CCSAP: variants seen among roughly 807,000 people sequenced by gnomAD.
CCSAP encodes the protein centriole, cilia and spindle associated protein.
Under a neutral mutation model 25.9 loss-of-function variants are expected in CCSAP, and 17 were observed. That is an observed-to-expected ratio of 0.66 (90% confidence interval 0.45 to 0.99). The LOEUF is 0.99. Ranked by LOEUF, CCSAP falls within the 50% of genes least tolerant of loss-of-function variation. CCSAP has a pLI of 0.00. For synonymous variants in CCSAP, 169 were observed against 157.1 expected (o/e 1.08, Z -0.57); for missense variants, 339 against 367.8 (o/e 0.92, Z 0.64).
In CCSAP at chr1:229,322,677, C is replaced by T. The variant is rs1219512456; in HGVS notation, c.*2558G>A. 4.6e-5 allele frequency: 7 copies of T among 152,144 alleles called. No individual in the cohort carries two copies. The allele number at this position is 152,144 out of a possible 1,614,324, so 9.4% of individuals were successfully genotyped here. On this transcript the variant is annotated 3_prime_UTR_variant, in exon 4 of 4. Transcript: ENST00000284617. ...CTCCTAACTAAGGGCAGTTAAAAGACAAAGAATCGATTCCTGTTCACTTCT... is the reference window on the plus strand; with the variant it reads ...CTCCTAACTAAGGGCAGTTAAAAGATAAAGAATCGATTCCTGTTCACTTCT...
In CCSAP at chr1:229,325,169, T is replaced by A. The variant is rs1571848834; in HGVS notation, c.*66A>T. ...ACCTGTGTCCGTTTCTTTTGATGGT[T>A]TTTGTTTTGTTTTTCCTTTCAGTCA... On this transcript the variant is annotated 3_prime_UTR_variant, in exon 4 of 4. Transcript: ENST00000284617. 3 of 1,454,116 alleles carry A rather than the reference T, an allele frequency of 2.1e-6. No homozygotes were observed. In the East Asian group the frequency reaches 7.0e-5, roughly 34 times the overall value. 90.1% of individuals were successfully genotyped at this position (1,454,116 alleles called of 1,614,324 possible).
intron 2 of CCSAP, among the ~76,000 whole-genome samples, chr1:229,334,231 CA>C (rs1234868103): frequency 6.6e-6 from 1 of 152,170 alleles, no homozygotes; most frequent in African/African-American, 2.4e-5. Flanking sequence ...CCACCACACC[CA>C]CCTAATTTTT....
intron 2 of CCSAP, among the ~76,000 whole-genome samples, chr1:229,328,091 T>C (rs1007946630): frequency 2.0e-5 from 3 of 152,146 alleles, no homozygotes; most frequent in Non-Finnish European, 4.4e-5. Flanking sequence ...GATTTTCCTG[T>C]TTATTATTTT....
chr1:229,339,870 G>A (rs1255027251), intron 2 of CCSAP, among the ~76,000 whole-genome samples: 1 of 152,168 alleles, frequency 6.6e-6, no homozygotes, highest in African/African-American at 2.4e-5. Context: ...GGACTGTATT[G>A]TGCAGGTGTG....
Position 229,326,853 on chromosome 1 carries a change from G to A in CCSAP, c.521C>T (p.Ser174Leu), listed in dbSNP as rs1386458569. Residue 174 changes from serine to leucine, a missense_variant, in exon 3 of 4, where the codon TCG becomes TTG. Coordinates refer to ENST00000284617, the MANE Select transcript of CCSAP (RefSeq NM_145257.5). ...ATGCTTGTTTTCTTTTATTTTACTCGATGATCTTTGGGGACTTTTGACCGC... is the reference window on the plus strand; with the variant it reads ...ATGCTTGTTTTCTTTTATTTTACTCAATGATCTTTGGGGACTTTTGACCGC... ...RKAVKSPQRS[S>L]SKIKENKHPF... The A allele has an allele frequency of 5.0e-6, 8 of 1,614,126 alleles. No individual in the cohort carries two copies. The highest frequency in any genetic ancestry group is 1.3e-5 in the African/African-American group (1 of 75,028).
At chr1:229,336,147 A>G (rs1658190120) in intron 2 of CCSAP, among the ~76,000 whole-genome samples, 1 of 147,342 alleles carries the variant, frequency 6.8e-6, no homozygotes, top group Non-Finnish European at 1.5e-5. Flanking sequence ...CTCGGATGCA[A>G]TCTCTCCCAG....
chr1:229,333,270 A>G (rs1377650767), intron 2 of CCSAP, among the ~76,000 whole-genome samples: 4 of 149,660 alleles, frequency 2.7e-5, no homozygotes, highest in African/African-American at 9.7e-5. Flanking sequence ...GTCTCTACTA[A>G]AAATACAAAA....
In CCSAP at chr1:229,337,678, A is replaced by AT. The variant is rs1553305147; in HGVS notation, c.367+4420_367+4421insA. 2.0e-4 allele frequency among the ~76,000 whole-genome samples: 13 copies of AT among 65,512 alleles called. 1 individual carries two copies. Among genetic ancestry groups the AT allele is most frequent in the South Asian group, 8.0e-4 (2 of 2,488 alleles). The allele number at this position is 65,512 out of a possible 152,430, so 43.0% of individuals were successfully genotyped here. A position where few individuals can be genotyped will look rare whatever the true frequency, so the allele number is the denominator to read the frequency against. On this transcript the variant is annotated intron_variant, in intron 2 of 3. Coordinates refer to ENST00000284617, the MANE Select transcript of CCSAP (RefSeq NM_145257.5). ...GAACAAGATCAAAGGCTCAAAAAAAAATATATATATATATATATATACACA... is the reference window on the plus strand; with the variant it reads ...GAACAAGATCAAAGGCTCAAAAAAAATATATATATATATATATATATACACA...
intron 2 of CCSAP, 142 bp downstream of exon 2, chr1:229,341,957 G>A (rs560215279): frequency 3.6e-6 from 4 of 1,108,070 alleles, no homozygotes; most frequent in South Asian, 4.7e-5. Context: ...ATTTTGTCAA[G>A]AGAGACGGAT....
intron 2 of CCSAP, among the ~76,000 whole-genome samples, chr1:229,335,230 G>T (rs1571855061): frequency 6.6e-6 from 1 of 152,126 alleles, no homozygotes; most frequent in East Asian, 1.9e-4. Context: ...GAGGCTGGAG[G>T]ATTGCTTGAA....
intron 3 of CCSAP, among the ~76,000 whole-genome samples, chr1:229,326,197 C>A (rs1394795575): frequency 1.3e-5 from 2 of 152,242 alleles, no homozygotes; most frequent in East Asian, 3.8e-4. Context: ...AGGACTAAAG[C>A]TCCTGAGAGT....
chr1:229,325,161 T>C lies in CCSAP; in HGVS notation c.*74A>G. On this transcript the variant is annotated 3_prime_UTR_variant, in exon 4 of 4. Transcript: ENST00000284617. ...TTTCTTAAACCTGTGTCCGTTTCTT[T>C]TGATGGTTTTTGTTTTGTTTTTCCT... 7.1e-7 allele frequency: 1 copy of C among 1,416,016 alleles called. No homozygotes were observed. Among genetic ancestry groups the C allele is most frequent in the South Asian group, 1.4e-5 (1 of 69,592 alleles). The allele number at this position is 1,416,016 out of a possible 1,614,324, so 87.7% of individuals were successfully genotyped here. A position where few individuals can be genotyped will look rare whatever the true frequency, so the allele number is the denominator to read the frequency against.
intron 2 of CCSAP, among the ~76,000 whole-genome samples, chr1:229,341,053 G>T (rs1658319405): frequency 6.6e-6 from 1 of 152,082 alleles, no homozygotes; most frequent in South Asian, 2.1e-4. Context: ...AATTAGCCGG[G>T]CGTGGTGGCG....
chr1:229,338,927 C>A (rs532030629), intron 2 of CCSAP, among the ~76,000 whole-genome samples: 1 of 151,512 alleles, frequency 6.6e-6, no homozygotes. Context: ...AAAATAGGAT[C>A]CCTCAAATGG....
intron 2 of CCSAP, among the ~76,000 whole-genome samples, chr1:229,330,438 G>A (rs375792790): frequency 1.2e-4 from 18 of 152,304 alleles, no homozygotes; most frequent in East Asian, 7.7e-4. Context: ...CGGGGACACC[G>A]TCATTTAATG....
Position 229,342,540 on chromosome 1 carries a change from G to A in CCSAP, c.-48-27C>T. On this transcript the variant is annotated intron_variant, in intron 1 of 3. Transcript: ENST00000284617. The surrounding 1 kb of genome is among the most constrained non-coding windows in gnomAD (Gnocchi z 7.5). ...TACGGGACCCGGTACACGACACAGA[G>A]GCCGCCCCGCCCCTCCGCCGGCCCT... 1 of 1,027,066 alleles carries A rather than the reference G, an allele frequency of 9.7e-7. No individual in the cohort carries two copies. The highest frequency in any genetic ancestry group is 1.3e-6 in the Non-Finnish European group (1 of 796,502). 63.6% of individuals were successfully genotyped at this position (1,027,066 alleles called of 1,614,324 possible). A position where few individuals can be genotyped will look rare whatever the true frequency, so the allele number is the denominator to read the frequency against.
chr1:229,327,655 G>T (rs1428207471), intron 2 of CCSAP: 1 of 451,210 alleles, frequency 2.2e-6, no homozygotes, highest in South Asian at 1.6e-5. Flanking sequence ...GGATCACGAG[G>T]TCAGGAGATC....
At chr1:229,334,860 C>G (rs1281365792) in intron 2 of CCSAP, among the ~76,000 whole-genome samples, 1 of 152,102 alleles carries the variant, frequency 6.6e-6, no homozygotes, top group African/African-American at 2.4e-5. Context: ...GCCACAAGGA[C>G]AGAGAGCAAG....
chr1:229,336,993 G>A (rs1358519177), intron 2 of CCSAP, among the ~76,000 whole-genome samples: 1 of 152,098 alleles, frequency 6.6e-6, no homozygotes, highest in Non-Finnish European at 1.5e-5. Context: ...AAATTCCATT[G>A]TAGAAACATT....
Sources: gnomAD v4.1 joint callset for allele counts (sites outside exome capture counted in the v4.1 genomes callset) on GRCh38, gnomAD v4.1.1 for gene constraint, Gnocchi (gnomAD v3.1) non-coding constraint, MANE v1.5 for transcripts, NCBI Gene and HGNC (gene_info 2026-07-23, HGNC 2026-07-21) for gene names.